AGBL4: variants seen among roughly 807,000 people sequenced by gnomAD.
AGBL4 encodes the protein AGBL carboxypeptidase 4.
AGBL4 carries 58 observed loss-of-function variants against 66.4 expected under a neutral mutation model. The observed-to-expected ratio is 0.87, with a 90% CI of 0.71 to 1.09. The LOEUF (loss-of-function observed/expected upper bound fraction) is 1.09. Ranked by LOEUF, AGBL4 falls within the 50% of genes least tolerant of loss-of-function variation. The probability of loss-of-function intolerance (pLI) is 0.00; values close to 1 mark genes in which losing one functional copy is unlikely to be tolerated. For synonymous variants in AGBL4, 234 were observed against 222.9 expected, an observed-to-expected ratio of 1.05 and a Z score of -0.44; for missense variants, 579 against 631.0, an observed-to-expected ratio of 0.92 and a Z score of 0.88.
At chr1:48,816,098 G>GAAAGAGA (rs1231617624) in intron 6 of AGBL4, among the ~76,000 whole-genome samples, 3 of 151,672 alleles carry the variant, frequency 2.0e-5, no homozygotes, top group Admixed American at 1.3e-4. Context: ...TGTGTAGAGA[G>GAAAGAGA]AAAGAGAGAG....
intron 2 of AGBL4, among the ~76,000 whole-genome samples, chr1:49,754,663 C>T (rs1426699998): frequency 1.3e-5 from 2 of 152,218 alleles, no homozygotes; most frequent in Non-Finnish European, 2.9e-5. Flanking sequence ...TCAGAAGGTA[C>T]AGGGGTCAGG....
chr1:49,041,794 A>G (rs377716413), intron 5 of AGBL4, among the ~76,000 whole-genome samples: 1 of 152,070 alleles, frequency 6.6e-6, no homozygotes, highest in African/African-American at 2.4e-5. Flanking sequence ...GTTTTGCCCG[A>G]ATCTTCTTGT....
intron 3 of AGBL4, among the ~76,000 whole-genome samples, chr1:49,300,757 T>C (rs1462121598): frequency 6.6e-6 from 1 of 152,222 alleles, no homozygotes; most frequent in East Asian, 1.9e-4. Flanking sequence ...GCCTGTGCTC[T>C]AATTTGGCCA....
At chr1:49,776,870 A>C (rs527805808) in intron 2 of AGBL4, among the ~76,000 whole-genome samples, 1 of 152,198 alleles carries the variant, frequency 6.6e-6, no homozygotes, top group Admixed American at 6.5e-5. Flanking sequence ...TCTTGCCCTC[A>C]CTGTATTTGC....
chr1:49,968,271 C>T (rs540739865), intron 1 of AGBL4, among the ~76,000 whole-genome samples: 1 of 149,332 alleles, frequency 6.7e-6, no homozygotes, highest in Non-Finnish European at 1.5e-5. Context: ...CATGGCTCTA[C>T]AAAAGAGTAT....
At chr1:49,899,275 A>T (rs941261305) in intron 1 of AGBL4, among the ~76,000 whole-genome samples, 8 of 150,012 alleles carry the variant, frequency 5.3e-5, no homozygotes, top group Non-Finnish European at 8.9e-5. Flanking sequence ...CCACAAAAAT[A>T]AAAAAAAAAT....
intron 2 of AGBL4, chr1:49,842,407 G>A: frequency 1.4e-6 from 1 of 734,354 alleles, no homozygotes; most frequent in Non-Finnish European, 1.9e-6. Context: ...GAGCCCTTCA[G>A]GGCTGAGAGA....
At chr1:49,347,252 C>CTTTTTTTT (rs35313917) in intron 3 of AGBL4, among the ~76,000 whole-genome samples, 4 of 115,862 alleles carry the variant, frequency 3.5e-5, no homozygotes, top group African/African-American at 6.3e-5. Context: ...TTCTTTCTTT[C>CTTTTTTTT]TTTTTTTTTT....
chr1:49,809,324 C>A, intron 2 of AGBL4, among the ~76,000 whole-genome samples: 1 of 146,408 alleles, frequency 6.8e-6, no homozygotes, highest in South Asian at 2.3e-4. Flanking sequence ...ACGACAGGCC[C>A]TGGTGTGTAA....
rs561447700 is a variant in AGBL4 at position 49,765,322 on chromosome 1, G to A, written c.158-67885C>T. ...AACCACATGGCTCAATACAAAACCTGCCAACAGAAGTTCACAGGGCTATAC... is the reference window on the plus strand; with the variant it reads ...AACCACATGGCTCAATACAAAACCTACCAACAGAAGTTCACAGGGCTATAC... On this transcript the variant is annotated intron_variant, in intron 2 of 13. Coordinates refer to ENST00000371839, the MANE Select transcript of AGBL4 (RefSeq NM_032785.4). Among the ~76,000 whole-genome samples the A allele has an allele frequency of 2.6e-5, 4 of 151,952 alleles. No homozygotes were observed. In the East Asian group the frequency reaches 7.8e-4, roughly 30 times the overall value.
intron 3 of AGBL4, among the ~76,000 whole-genome samples, chr1:49,559,668 C>A (rs565543120): frequency 4.3e-4 from 66 of 152,278 alleles, no homozygotes; most frequent in Non-Finnish European, 5.6e-4. Flanking sequence ...TGCCCTTGAA[C>A]ATCAGCCTGC....
At chr1:48,779,134 A>T (rs2148715937) in intron 6 of AGBL4, among the ~76,000 whole-genome samples, 1 of 152,330 alleles carries the variant, frequency 6.6e-6, no homozygotes, top group East Asian at 1.9e-4. Flanking sequence ...CACAAGATGG[A>T]TCATGCAGAG....
chr1:48,820,229 A>G (rs189224349), intron 6 of AGBL4, among the ~76,000 whole-genome samples: 55 of 152,244 alleles, frequency 3.6e-4, no homozygotes, highest in Non-Finnish European at 5.7e-4. Context: ...TTCCTTAGAA[A>G]ACACTCTCAT....
At chr1:49,485,092 C>A (rs558076306) in intron 3 of AGBL4, among the ~76,000 whole-genome samples, 1 of 151,944 alleles carries the variant, frequency 6.6e-6, no homozygotes, top group African/African-American at 2.4e-5. Flanking sequence ...TTTGACCCAG[C>A]CATCCCATTA....
chr1:49,196,363 T>A (rs1647254944), intron 4 of AGBL4, among the ~76,000 whole-genome samples: 1 of 152,206 alleles, frequency 6.6e-6, no homozygotes, highest in African/African-American at 2.4e-5. Flanking sequence ...TTTTGTTTGT[T>A]TGTTTGAATA....
chr1:48,646,714 TCTGCTTC>T (rs1311045673), intron 8 of AGBL4, among the ~76,000 whole-genome samples: 1 of 152,110 alleles, frequency 6.6e-6, no homozygotes, highest in African/African-American at 2.4e-5. Context: ...GGAAGTACTC[TCTGCTTC>T]AGGAGACAGT....
intron 1 of AGBL4, among the ~76,000 whole-genome samples, chr1:49,859,738 A>G (rs1335316073): frequency 6.6e-6 from 1 of 152,096 alleles, no homozygotes; most frequent in Non-Finnish European, 1.5e-5. Context: ...CTCTTATTCA[A>G]CATCATCCTA....
chr1:49,456,163 T>C (rs911589444), intron 3 of AGBL4, among the ~76,000 whole-genome samples: 2 of 151,666 alleles, frequency 1.3e-5, no homozygotes, highest in Non-Finnish European at 3.0e-5. Flanking sequence ...AGTCTTTAAT[T>C]TGGAAGTCAA....
intron 1 of AGBL4, among the ~76,000 whole-genome samples, chr1:49,975,590 G>A (rs889265540): frequency 6.6e-5 from 10 of 152,052 alleles, no homozygotes; most frequent in African/African-American, 9.7e-5. Context: ...AGGTTTGCAC[G>A]CTCCTGTCTT....
Sources: allele counts gnomAD v4.1 joint callset (sites outside exome capture counted in the v4.1 genomes callset), GRCh38; gene constraint gnomAD v4.1.1; transcripts MANE v1.5; gene names NCBI Gene and HGNC (gene_info 2026-07-23, HGNC 2026-07-21).